Variants in FGF2 observed in about 807,000 individuals in gnomAD.
FGF2 encodes the protein basic fibroblast growth factor bFGF.
A neutral mutation model predicts 15.9 loss-of-function variants in FGF2; 13 were observed. The observed-to-expected ratio is 0.82, with a 90% CI of 0.53 to 1.30. FGF2 has a LOEUF of 1.30. Ranked by LOEUF, FGF2 falls within the 50% of genes most tolerant of loss-of-function variation. FGF2 has a pLI of 0.00. For missense variants in FGF2, 163 were observed against 196.9 expected, an observed-to-expected ratio of 0.83 and a Z score of 1.03; for synonymous variants, 90 against 78.4, an observed-to-expected ratio of 1.15 and a Z score of -0.78.
At chr4:122,876,643 C>G (rs1278455418) in intron 2 of FGF2, among the ~76,000 whole-genome samples, 1 of 152,120 alleles carries the variant, frequency 6.6e-6, no homozygotes, top group Non-Finnish European at 1.5e-5. Flanking sequence ...AAAGTAGAGA[C>G]TGGATTGGGC....
chr4:122,894,592 A>G lies in FGF2; in HGVS notation c.*2196A>G, dbSNP rs1578486251. On this transcript the variant is annotated 3_prime_UTR_variant, in exon 3 of 3. Transcript: ENST00000644866. Reference sequence around the variant, plus strand: ...ACAGAGTGAGACTTTGTCTCAAAAAAAGAGAAATTTTCCTTAATAAGAAAA... The same window carrying G: ...ACAGAGTGAGACTTTGTCTCAAAAAGAGAGAAATTTTCCTTAATAAGAAAA... The G allele has an allele frequency of 6.6e-6, 1 of 152,102 alleles. No individual in the cohort carries two copies. Among genetic ancestry groups the G allele is most frequent in the African/African-American group, 2.4e-5 (1 of 41,386 alleles). 9.4% of individuals were successfully genotyped at this position (152,102 alleles called of 1,614,324 possible).
intron 2 of FGF2, among the ~76,000 whole-genome samples, chr4:122,881,198 A>T (rs926807447): frequency 3.3e-5 from 5 of 152,124 alleles, no homozygotes; most frequent in African/African-American, 1.2e-4. Context: ...TGGGCCTGTG[A>T]TGGGAAGGAC....
intron 2 of FGF2, among the ~76,000 whole-genome samples, chr4:122,876,796 G>A (rs45468705): frequency 0.026 from 4,032 of 152,270 alleles, 84 homozygotes; most frequent in Non-Finnish European, 0.042. Flanking sequence ...TAGTTTTTAA[G>A]TTTCTTCTTT....
At chr4:122,878,160 G>A (rs1057238266) in intron 2 of FGF2, among the ~76,000 whole-genome samples, 6 of 152,108 alleles carry the variant, frequency 3.9e-5, no homozygotes, top group African/African-American at 1.4e-4. Flanking sequence ...TAATGTATAA[G>A]GGTTTTGATA....
chr4:122,841,206 T>A (rs1482639068), intron 1 of FGF2, among the ~76,000 whole-genome samples: 2 of 152,246 alleles, frequency 1.3e-5, no homozygotes, highest in African/African-American at 4.8e-5. Context: ...AAATAAGTTT[T>A]ATTGGCACAC....
chr4:122,840,259 T>TC (rs1167956090), intron 1 of FGF2: 1 of 152,198 alleles, frequency 6.6e-6, no homozygotes, highest in African/African-American at 2.4e-5. Flanking sequence ...GTCTAGTTGT[T>TC]CAGCAGTTGG....
chr4:122,845,714 AAGAGTT>A (rs1364146703), intron 1 of FGF2, among the ~76,000 whole-genome samples: 1 of 152,202 alleles, frequency 6.6e-6, no homozygotes, highest in African/African-American at 2.4e-5. Flanking sequence ...CATAGAACTG[AAGAGTT>A]AGGGCCTTGT....
At chr4:122,885,911 TCC>T (rs1727046517) in intron 2 of FGF2, among the ~76,000 whole-genome samples, 2 of 135,596 alleles carry the variant, frequency 1.5e-5, no homozygotes, top group Non-Finnish European at 3.1e-5. Flanking sequence ...ATTTTTTTTT[TCC>T]TTTTTTTTTT....
chr4:122,874,811 G>A (rs150846221), intron 1 of FGF2, among the ~76,000 whole-genome samples: 23 of 151,940 alleles, frequency 1.5e-4, no homozygotes, highest in Admixed American at 7.2e-4. Context: ...GCTTTTTCAT[G>A]CCGTTTCCCT....
chr4:122,840,004 T>C (rs1725945183), intron 1 of FGF2, among the ~76,000 whole-genome samples: 1 of 152,188 alleles, frequency 6.6e-6, no homozygotes, highest in Non-Finnish European at 1.5e-5. Flanking sequence ...TGTGCTTGTG[T>C]CTCTGTTGTC....
intron 1 of FGF2, among the ~76,000 whole-genome samples, chr4:122,841,115 C>G (rs1211557463): frequency 1.3e-5 from 2 of 152,178 alleles, no homozygotes; most frequent in Non-Finnish European, 2.9e-5. Context: ...TCATAGCAAC[C>G]TTCTGTAAAA....
In FGF2 at chr4:122,827,585, A is replaced by G. The variant is rs1049108543; in HGVS notation, c.178+233A>G. On this transcript the variant is annotated intron_variant, in intron 1 of 2. Coordinates refer to ENST00000644866, the MANE Select transcript of FGF2 (RefSeq NM_001361665.2). The surrounding 1 kb of genome is among the most constrained non-coding windows in gnomAD (Gnocchi z 4.2). ...TTTGGGGTGTGCCAATTTGCCCTGT[A>G]AACCAGTACCCCCGGCCCGGAGCCG... 1.3e-5 allele frequency among the ~76,000 whole-genome samples: 2 copies of G among 151,908 alleles called. No homozygotes were observed. The highest frequency in any genetic ancestry group is 3.9e-4 in the East Asian group (2 of 5,092).
chr4:122,846,879 G>C (rs1318877340), intron 1 of FGF2, among the ~76,000 whole-genome samples: 1 of 152,236 alleles, frequency 6.6e-6, no homozygotes, highest in Non-Finnish European at 1.5e-5. Context: ...AGAAGTTCCT[G>C]TTTCGGGAAA....
At chr4:122,836,388 C>T (rs2150763454) in intron 1 of FGF2, among the ~76,000 whole-genome samples, 1 of 152,318 alleles carries the variant, frequency 6.6e-6, no homozygotes, top group East Asian at 1.9e-4. Flanking sequence ...TACCTTATCC[C>T]ATTTCCAGTC....
chr4:122,836,329 C>T (rs553548066), intron 1 of FGF2, among the ~76,000 whole-genome samples: 1 of 152,334 alleles, frequency 6.6e-6, no homozygotes, highest in African/African-American at 2.4e-5. Context: ...GTCATCTTAG[C>T]CTTTAACCAG....
chr4:122,894,104 A>G lies in FGF2; in HGVS notation c.*1708A>G, dbSNP rs529256276. The stretch of plus-strand genomic sequence containing the variant: ...TGCTGTGACTGTAGACTGTCTTACC[A>G]TAGACTGTCTTACCCATCCCCTGGA... On this transcript the variant is annotated 3_prime_UTR_variant, in exon 3 of 3. Coordinates refer to ENST00000644866, the MANE Select transcript of FGF2 (RefSeq NM_001361665.2). 6.6e-6 allele frequency: 1 copy of G among 152,354 alleles called. No individual in the cohort carries two copies. Among genetic ancestry groups the G allele is most frequent in the East Asian group, 1.9e-4 (1 of 5,194 alleles). 9.4% of individuals were successfully genotyped at this position (152,354 alleles called of 1,614,324 possible).
intron 1 of FGF2, among the ~76,000 whole-genome samples, chr4:122,845,426 C>A (rs943078198): frequency 6.6e-6 from 1 of 152,194 alleles, no homozygotes; most frequent in East Asian, 1.9e-4. Flanking sequence ...TGAAGACATG[C>A]GTTGACTTCT....
At position 122,893,051 on chromosome 4, in the gene FGF2, C is replaced by G; in HGVS notation, c.*655C>G. ...GAGATCCATCCACTCACATCTTAAG[C>G]ATTCTTCCTGGCAAAAATTTATGGT... On this transcript the variant is annotated 3_prime_UTR_variant, in exon 3 of 3. Coordinates refer to ENST00000644866, the MANE Select transcript of FGF2 (RefSeq NM_001361665.2). 1 of 1,614,136 alleles carries G rather than the reference C, an allele frequency of 6.2e-7. No individual in the cohort carries two copies. Among genetic ancestry groups the G allele is most frequent in the South Asian group, 1.1e-5 (1 of 91,086 alleles).
intron 2 of FGF2, among the ~76,000 whole-genome samples, chr4:122,887,097 C>T (rs913016645): frequency 2.3e-4 from 35 of 152,072 alleles, no homozygotes; most frequent in African/African-American, 6.8e-4. Flanking sequence ...GGGTGGACCA[C>T]GACGTCAGGA....
Sources: allele counts gnomAD v4.1 joint callset (sites outside exome capture counted in the v4.1 genomes callset), GRCh38; gene constraint gnomAD v4.1.1; non-coding constraint Gnocchi (gnomAD v3.1); transcripts MANE v1.5; gene names NCBI Gene and HGNC (gene_info 2026-07-23, HGNC 2026-07-21).